The following DCC variants were observed in gnomAD, a reference collection of about 807,000 sequenced individuals.
DCC encodes DCC netrin 1 receptor.
In DCC, 58 loss-of-function variants were observed where a neutral mutation model predicts 172.5. The observed-to-expected ratio is 0.34, with a 90% CI of 0.27 to 0.42. DCC has a LOEUF of 0.42. Among genes scored for constraint, DCC ranks in the 10% least tolerant of loss-of-function variants. The pLI is 1.00. For missense variants in DCC, 1,740 were observed against 1,791.0 expected, an observed-to-expected ratio of 0.97 and a Z score of 0.51; for synonymous variants, 709 against 644.5, an observed-to-expected ratio of 1.10 and a Z score of -1.52.
chr18:53,515,583 T>C (rs2144563578), intron 27 of DCC, among the ~76,000 whole-genome samples: 1 of 143,834 alleles, frequency 7.0e-6, no homozygotes, highest in South Asian at 2.4e-4. Context: ...CTTAAGCTGA[T>C]AAGCAACTTC....
chr18:52,954,471 AAGAC>A (rs1299324095), intron 5 of DCC, among the ~76,000 whole-genome samples: 11 of 152,196 alleles, frequency 7.2e-5, no homozygotes, highest in Non-Finnish European at 1.5e-4. Flanking sequence ...TTACAGTAGT[AAGAC>A]AGAATTTTCT....
chr18:52,551,808 G>T (rs1011355932), intron 1 of DCC, among the ~76,000 whole-genome samples: 1 of 151,670 alleles, frequency 6.6e-6, no homozygotes, highest in Admixed American at 6.6e-5. Context: ...GAGGAGAGAT[G>T]GAAAGAGGCA....
Position 53,468,132 on chromosome 18 carries a change from T to G in DCC, c.3736+122T>G. ...CCTGAACTTTCTGGACAAATGGAAA[T>G]GAGGAATGACTAAAACCGTATCATT... is the stretch of plus-strand genomic sequence containing the variant. On this transcript the variant is annotated intron_variant, in intron 25 of 28. Coordinates refer to ENST00000442544, the MANE Select transcript of DCC (RefSeq NM_005215.4). The G allele has an allele frequency of 5.7e-6, 4 of 705,094 alleles. No homozygotes were observed. In the East Asian group the frequency reaches 8.1e-5, roughly 14 times the overall value. 43.7% of individuals were successfully genotyped at this position (705,094 alleles called of 1,614,324 possible).
At chr18:52,705,614 G>A (rs1275175063) in intron 1 of DCC, among the ~76,000 whole-genome samples, 2 of 152,182 alleles carry the variant, frequency 1.3e-5, no homozygotes, top group East Asian at 1.9e-4. Flanking sequence ...TCTTTGGACT[G>A]TGTCCAGTAG....
chr18:53,293,515 T>C (rs2057030166), intron 12 of DCC, among the ~76,000 whole-genome samples: 1 of 152,142 alleles, frequency 6.6e-6, no homozygotes, highest in African/African-American at 2.4e-5. Flanking sequence ...TACAGGTTTG[T>C]TATATAGGTA....
At chr18:53,305,532 G>A (rs1314917018) in intron 12 of DCC, 46 bp from the exon 13 acceptor site, 1 of 1,535,560 alleles carries the variant, frequency 6.5e-7, no homozygotes. Flanking sequence ...CTGTCCCATT[G>A]TCCTTTCTTT....
chr18:53,081,668 T>C (rs1249865519), intron 7 of DCC, among the ~76,000 whole-genome samples: 1 of 152,020 alleles, frequency 6.6e-6, no homozygotes, highest in Non-Finnish European at 1.5e-5. Context: ...TTCTTGCAAG[T>C]TTGAAGATGA....
At chr18:53,016,351 C>T (rs1012952830) in intron 5 of DCC, among the ~76,000 whole-genome samples, 11 of 152,040 alleles carry the variant, frequency 7.2e-5, no homozygotes, top group African/African-American at 1.9e-4. Context: ...CTCTCAAACA[C>T]AGCAAAATAG....
intron 7 of DCC, among the ~76,000 whole-genome samples, chr18:53,113,520 T>C (rs1488813318): frequency 6.6e-6 from 1 of 151,434 alleles, no homozygotes; most frequent in Non-Finnish European, 1.5e-5. Context: ...CTTTTATTTG[T>C]TTACTTTGGC....
At chr18:53,205,461 T>A in intron 10 of DCC, 97 bp downstream of exon 10, 2 of 1,163,954 alleles carry the variant, frequency 1.7e-6, no homozygotes, top group East Asian at 4.7e-5. Flanking sequence ...ACTCGCAAAC[T>A]CTTGAAACAG....
intron 5 of DCC, among the ~76,000 whole-genome samples, chr18:52,926,183 T>A (rs2040199505): frequency 6.6e-6 from 1 of 151,936 alleles, no homozygotes; most frequent in Non-Finnish European, 1.5e-5. Context: ...AAAATCATAG[T>A]CTATTTAAAA....
At chr18:53,439,763 A>ATTCTTCTTTT (rs1912148894) in intron 22 of DCC, among the ~76,000 whole-genome samples, 2 of 112,402 alleles carry the variant, frequency 1.8e-5, no homozygotes, top group Non-Finnish European at 4.4e-5. Flanking sequence ...ATGTAGTAGT[A>ATTCTTCTTTT]TTTTTCTTTT....
At chr18:52,357,678 G>C (rs1984428651) in intron 1 of DCC, among the ~76,000 whole-genome samples, 1 of 152,050 alleles carries the variant, frequency 6.6e-6, no homozygotes, top group African/African-American at 2.4e-5. Flanking sequence ...ACAAGGGGGA[G>C]GGGAGGAAGT....
intron 1 of DCC, among the ~76,000 whole-genome samples, chr18:52,355,056 A>G (rs1166985997): frequency 6.6e-6 from 1 of 152,230 alleles, no homozygotes; most frequent in African/African-American, 2.4e-5. Flanking sequence ...AACAAGATAA[A>G]GTAGGTGAAT....
At chr18:52,910,860 A>G (rs1273164444) in intron 3 of DCC, among the ~76,000 whole-genome samples, 1 of 152,136 alleles carries the variant, frequency 6.6e-6, no homozygotes, top group Non-Finnish European at 1.5e-5. Flanking sequence ...CTTGGCTTTT[A>G]AAGAAATAAA....
rs1188849816 is a variant in DCC, at chr18:53,534,888, C to A, written c.*4235C>A. On this transcript the variant is annotated 3_prime_UTR_variant, in exon 29 of 29. Coordinates refer to ENST00000442544, the MANE Select transcript of DCC (RefSeq NM_005215.4). The stretch of plus-strand genomic sequence containing the variant: ...TTCACGTGGCAGACTTCCAGTTGCA[C>A]TCTCTGAAGGACTTTTTTCTCTTAC... 5 of 152,206 alleles carry A rather than the reference C, an allele frequency of 3.3e-5. No individual in the cohort carries two copies. Among genetic ancestry groups the A allele is most frequent in the Non-Finnish European group, 7.3e-5 (5 of 68,048 alleles). The allele number at this position is 152,206 out of a possible 1,614,324, so 9.4% of individuals were successfully genotyped here. A position where few individuals can be genotyped will look rare whatever the true frequency, so the allele number is the denominator to read the frequency against.
chr18:52,767,398 C>G (rs1457196766), intron 2 of DCC, among the ~76,000 whole-genome samples: 2 of 152,170 alleles, frequency 1.3e-5, no homozygotes, highest in Non-Finnish European at 2.9e-5. Flanking sequence ...GGCATGTAAA[C>G]TACCTATTGG....
At chr18:52,436,250 T>C (rs1389502597) in intron 1 of DCC, among the ~76,000 whole-genome samples, 2 of 152,246 alleles carry the variant, frequency 1.3e-5, no homozygotes, top group African/African-American at 2.4e-5. Flanking sequence ...GTGACTATTT[T>C]TTATAGTGGC....
At position 52,561,447 on chromosome 18, in the gene DCC, TAC is replaced by T. The variant is rs201491450; in HGVS notation, c.92-190599_92-190598del. Among the ~76,000 whole-genome samples the T allele has an allele frequency of 5.4e-4, 82 of 151,690 alleles. 1 individual carries two copies. The highest frequency in any genetic ancestry group is 8.7e-4 in the Non-Finnish European group (59 of 67,918). ...TGTTTGTGTGTGTATGTCTATGTGC[TAC>T]ACACACATATATATATATATACATA... is the stretch of plus-strand genomic sequence containing the variant. On this transcript the variant is annotated intron_variant, in intron 1 of 28. Transcript: ENST00000442544.
Sources: gnomAD v4.1 joint callset for allele counts (sites outside exome capture counted in the v4.1 genomes callset) on GRCh38, gnomAD v4.1.1 for gene constraint, MANE v1.5 for transcripts, NCBI Gene and HGNC (gene_info 2026-07-23, HGNC 2026-07-21) for gene names.